Variants in SETDB1 observed in about 807,000 individuals in gnomAD.
The protein encoded by SETDB1 is SET domain bifurcated histone lysine methyltransferase 1.
In SETDB1, 31 loss-of-function variants were observed where a neutral mutation model predicts 137.4. The observed-to-expected ratio is 0.23, with a 90% CI of 0.17 to 0.30. SETDB1 has a LOEUF of 0.30. Ranked by LOEUF, SETDB1 falls within the 10% of genes least tolerant of loss-of-function variation. SETDB1 has a pLI of 1.00. For synonymous variants in SETDB1, 548 were observed against 579.9 expected (o/e 0.95, Z 0.79); for missense variants, 1,113 against 1,631.5 (o/e 0.68, Z 5.47).
Position 150,960,600 on chromosome 1 carries a change from T to C in SETDB1, c.2541T>C (p.Gly847=). The C allele has an allele frequency of 6.2e-7, 1 of 1,612,202 alleles. No individual in the cohort carries two copies. The highest frequency in any genetic ancestry group is 1.7e-4 in the Middle Eastern group (1 of 6,052). The change falls in exon 16 of 22, where the codon GGT becomes GGC. Residue 847 remains glycine, a synonymous_variant. Transcript: ENST00000692827. ...CAGATGACTTTGCAGACAAGGAGGG[T>C]CTGGAAATGGGTGATGAGTACTTTG... The part of the protein sequence containing the change: ...ILTDDFADKE[G]LEMGDEYFAN...
In SETDB1 at chr1:150,950,493, C is replaced by A; in HGVS notation, c.1619C>A (p.Pro540His). The A allele has an allele frequency of 1.2e-6, 2 of 1,611,158 alleles. No individual in the cohort carries two copies. Among genetic ancestry groups the A allele is most frequent in the Non-Finnish European group, 1.7e-6 (2 of 1,178,432 alleles). Residue 540 changes from proline (P) to histidine (H), a missense_variant, in exon 13 of 22, where the codon CCC (proline) becomes CAC (histidine). Around this residue, in one of 11 missense-constraint regions of SETDB1, gnomAD observed 192 missense variants for 198.1 expected, o/e 0.97. Coordinates refer to ENST00000692827, the MANE Select transcript of SETDB1 (RefSeq NM_001366418.1). ...PLGSTASAPAPSALPAPPAPP... is the reference protein window; with the variant it reads ...PLGSTASAPAHSALPAPPAPP... Reference sequence around the variant, plus strand: ...GGCTCCACAGCCTCTGCCCCAGCACCCTCAGCACTCCCGGCCCCTCCAGCA... The same window carrying A: ...GGCTCCACAGCCTCTGCCCCAGCACACTCAGCACTCCCGGCCCCTCCAGCA...
In SETDB1 at chr1:150,927,593, T is replaced by C. The variant is rs368017238; in HGVS notation, c.-11-111T>C. ...GGAGGGAGAACATGGAATATTTGAA[T>C]AGAATAACAGGCAGCAGAGTAGGAA... On this transcript the variant is annotated intron_variant, in intron 1 of 21. Transcript: ENST00000692827. 6 of 928,018 alleles carry C rather than the reference T, an allele frequency of 6.5e-6. No homozygotes were observed. In the South Asian group the frequency reaches 6.6e-5, roughly 10 times the overall value. The allele number at this position is 928,018 out of a possible 1,614,324, so 57.5% of individuals were successfully genotyped here. A position where few individuals can be genotyped will look rare whatever the true frequency, so the allele number is the denominator to read the frequency against.
intron 10 of SETDB1, among the ~76,000 whole-genome samples, chr1:150,947,327 T>A (rs1670359888): frequency 6.6e-6 from 1 of 152,102 alleles, no homozygotes; most frequent in African/African-American, 2.4e-5. Context: ...TTTTTCTTTT[T>A]CTTTTTTTTT....
At chr1:150,946,462 G>GGA (rs1670332835) in intron 9 of SETDB1, among the ~76,000 whole-genome samples, 1 of 150,394 alleles carries the variant, frequency 6.6e-6, no homozygotes, top group African/African-American at 2.4e-5. Flanking sequence ...ATTTTTTTTT[G>GGA]GGGGGGATGG....
At chr1:150,954,075 C>T (rs1017653729) in intron 14 of SETDB1, among the ~76,000 whole-genome samples, 1 of 152,094 alleles carries the variant, frequency 6.6e-6, no homozygotes, top group Non-Finnish European at 1.5e-5. Flanking sequence ...AGGATGGTCT[C>T]TATCTCCTGA....
At chr1:150,951,229 GC>G in intron 13 of SETDB1, 135 bp from the exon 14 acceptor site, 1 of 1,162,604 alleles carries the variant, frequency 8.6e-7, no homozygotes, top group Non-Finnish European at 1.2e-6. Context: ...CTGCTATAAG[GC>G]CTCCATGAAA....
rs1021316487 is a variant in SETDB1 at position 150,950,549 on chromosome 1, G to T, written c.1675G>T (p.Ala559Ser). 12 of 1,613,946 alleles carry T rather than the reference G, an allele frequency of 7.4e-6. No individual in the cohort carries two copies. The highest frequency in any genetic ancestry group is 1.0e-5 in the Non-Finnish European group (12 of 1,180,024). The part of the protein sequence containing the change: ...PPVFHGMLER[A>S]PAEPSYRAPM... ...AGTCTTCCATGGCATGCTGGAGCGG[G>T]CCCCAGCAGAGCCCTCCTACCGTGC... Residue 559 changes from alanine (A) to serine (S), a missense_variant, in exon 13 of 22, where the codon GCC (alanine) becomes TCC (serine). By Grantham distance (99) the Ala-to-Ser change is moderately conservative. Coordinates refer to ENST00000692827, the MANE Select transcript of SETDB1 (RefSeq NM_001366418.1).
chr1:150,954,004 A>G (rs1369433068), intron 14 of SETDB1, among the ~76,000 whole-genome samples: 2 of 151,698 alleles, frequency 1.3e-5, no homozygotes, highest in Non-Finnish European at 2.9e-5. Flanking sequence ...ACAGTCGCCC[A>G]CCACCACGCC....
intron 3 of SETDB1, among the ~76,000 whole-genome samples, chr1:150,933,779 C>CTTTTTTTT (rs890205371): frequency 3.5e-4 from 7 of 20,104 alleles, no homozygotes; most frequent in African/African-American, 4.5e-4. Flanking sequence ...TTTTCTTTTT[C>CTTTTTTTT]TTTTTTTTTT....
chr1:150,929,659 G>T (rs1170878374), intron 2 of SETDB1, among the ~76,000 whole-genome samples: 1 of 152,088 alleles, frequency 6.6e-6, no homozygotes, highest in African/African-American at 2.4e-5. Context: ...TGGGATTGCA[G>T]GTGTGAGCCA....
At chr1:150,948,235 G>GA (rs1403204655) in intron 10 of SETDB1, among the ~76,000 whole-genome samples, 3 of 144,330 alleles carry the variant, frequency 2.1e-5, no homozygotes, top group East Asian at 2.1e-4. Context: ...TCTATAAAAA[G>GA]AAAAAAAAGA....
chr1:150,949,322 A>G (rs762107790), intron 11 of SETDB1, 44 bp downstream of exon 11: 4 of 1,612,460 alleles, frequency 2.5e-6, no homozygotes, highest in Non-Finnish European at 3.4e-6. Context: ...TTCATATTAT[A>G]TTTTCCACAT....
chr1:150,949,235 T>G lies in SETDB1; in HGVS notation c.1381T>G (p.Phe461Val), dbSNP rs1167098756. Reference protein sequence around the residue: ...PQPTAPPAPPFPPAPPLSPQA... With the variant: ...PQPTAPPAPPVPPAPPLSPQA... ...GCCTACAGCTCCACCTGCCCCACCTTTCCCACCTGCTCCACCTCTATCCCC... is the reference window on the plus strand; with the variant it reads ...GCCTACAGCTCCACCTGCCCCACCTGTCCCACCTGCTCCACCTCTATCCCC... The change falls in exon 11 of 22, where the codon TTC (phenylalanine) becomes GTC (valine). Residue 461 changes from phenylalanine (F) to valine (V), a missense_variant. Physicochemically the swap from Phe to Val is conservative, Grantham distance 50. Coordinates refer to ENST00000692827, the MANE Select transcript of SETDB1 (RefSeq NM_001366418.1). 6.2e-7 allele frequency: 1 copy of G among 1,614,050 alleles called. No individual in the cohort carries two copies. Among genetic ancestry groups the G allele is most frequent in the Admixed American group, 1.7e-5 (1 of 59,980 alleles).
chr1:150,945,932 C>T (rs1670309653), intron 9 of SETDB1, among the ~76,000 whole-genome samples: 1 of 151,596 alleles, frequency 6.6e-6, no homozygotes, highest in East Asian at 1.9e-4. Flanking sequence ...GAACTCCTGA[C>T]CTCAAGTGAT....
At chr1:150,955,497 T>C (rs1280453459) in intron 14 of SETDB1, among the ~76,000 whole-genome samples, 1 of 152,196 alleles carries the variant, frequency 6.6e-6, no homozygotes, top group African/African-American at 2.4e-5. Context: ...TGCTGTGCCT[T>C]CTTCTTGGCA....
intron 12 of SETDB1, 29 bp from the exon 13 acceptor site, chr1:150,950,429 C>T (rs748663715): frequency 4.6e-6 from 7 of 1,534,676 alleles, no homozygotes; most frequent in East Asian, 2.3e-5. Flanking sequence ...TGTTGCCTTC[C>T]GATCTGATCA....
At position 150,960,783 on chromosome 1, in the gene SETDB1, T is replaced by C; in HGVS notation, c.2724T>C (p.Asp908=). Residue 908 remains aspartate (D), a synonymous_variant, in exon 16 of 22, where the codon GAT becomes GAC. Transcript: ENST00000692827. ...AAGAGTCCAATGATGATAGCTCAGA[T>C]GATAACTTCTGTAAGGATGAGGACT... The part of the protein sequence containing the change: ...DPEESNDDSS[D]DNFCKDEDFS... The C allele has an allele frequency of 6.2e-7, 1 of 1,610,144 alleles. No homozygotes were observed. Among genetic ancestry groups the C allele is most frequent in the South Asian group, 1.1e-5 (1 of 90,372 alleles).
chr1:150,952,664 A>G (rs895061096), intron 14 of SETDB1, among the ~76,000 whole-genome samples: 1 of 151,896 alleles, frequency 6.6e-6, no homozygotes, highest in Non-Finnish European at 1.5e-5. Flanking sequence ...GGATCACCTG[A>G]GGTCGGGAGT....
chr1:150,929,706 A>G, intron 2 of SETDB1, among the ~76,000 whole-genome samples: 1 of 152,260 alleles, frequency 6.6e-6, no homozygotes, highest in African/African-American at 2.4e-5. Context: ...GATAACAGCA[A>G]GGTAAATAAT....
Sources: gnomAD v4.1 joint callset for allele counts (sites outside exome capture counted in the v4.1 genomes callset) on GRCh38, gnomAD v4.1.1 for gene constraint, gnomAD v4.1.1 regional missense constraint, MANE v1.5 for transcripts, NCBI Gene and HGNC (gene_info 2026-07-23, HGNC 2026-07-21) for gene names.